DCAF8L2: variants seen among roughly 807,000 people sequenced by gnomAD.
DCAF8L2 encodes the protein DDB1 and CUL4 associated factor 8 like 2, also known as DDB1- and CUL4-associated factor 8-like protein 2.
For missense variants in DCAF8L2, 430 were observed against 490.7 expected (o/e 0.88, Z 1.17); for synonymous variants, 200 against 190.9 (o/e 1.05, Z -0.39).
intron 2 of DCAF8L2, among the ~76,000 whole-genome samples, chrX:27,663,615 T>A (rs1315534550): frequency 1.8e-5 from 2 of 110,997 alleles, no homozygotes; most frequent in Non-Finnish European, 3.8e-5. Flanking sequence ...TATCCACTGA[T>A]AGCTTTTCCC....
intron 3 of DCAF8L2, among the ~76,000 whole-genome samples, chrX:27,701,796 G>A (rs977780325): frequency 9.1e-6 from 1 of 110,103 alleles, no homozygotes; most frequent in African/African-American, 3.3e-5. Context: ...TCCACATTGA[G>A]AAACTAGAAA....
the DCAF8L2 span, among the ~76,000 whole-genome samples, chrX:27,555,079 G>A: frequency 9.0e-6 from 1 of 111,689 alleles, no homozygotes; most frequent in African/African-American, 3.3e-5. Context: ...GCATCTTAAC[G>A]CAGGGGTAAC....
intron 4 of DCAF8L2, among the ~76,000 whole-genome samples, chrX:27,728,322 G>T (rs1441885746): frequency 9.0e-6 from 1 of 110,921 alleles, no homozygotes; most frequent in Non-Finnish European, 1.9e-5. Flanking sequence ...ATGTCTTGTT[G>T]TTGTTGTTGT....
chrX:27,625,644 T>C (rs1290687733), intron 1 of DCAF8L2, among the ~76,000 whole-genome samples: 1 of 111,680 alleles, frequency 9.0e-6, no homozygotes, highest in East Asian at 2.8e-4. Flanking sequence ...ATAAAGAAAA[T>C]GTGGTACGTA....
At chrX:27,678,932 T>C (rs1930233860) in intron 3 of DCAF8L2, among the ~76,000 whole-genome samples, 1 of 111,773 alleles carries the variant, frequency 8.9e-6, no homozygotes. Flanking sequence ...TCATTGTGTT[T>C]ATGACAAGTG....
At chrX:27,535,319 C>T in the DCAF8L2 span, among the ~76,000 whole-genome samples, 1 of 111,900 alleles carries the variant, frequency 8.9e-6, no homozygotes, top group South Asian at 3.7e-4. Context: ...GTAACAGATT[C>T]AGTGTCAAAA....
chrX:27,505,116 A>G, the DCAF8L2 span, among the ~76,000 whole-genome samples: 126 of 111,826 alleles, frequency 1.1e-3, 1 homozygote, highest in South Asian at 0.041. Context: ...TTAAAATAAT[A>G]CTACTCATGA....
At chrX:27,717,527 T>A (rs1931743932) in intron 4 of DCAF8L2, among the ~76,000 whole-genome samples, 1 of 112,670 alleles carries the variant, frequency 8.9e-6, no homozygotes, top group African/African-American at 3.2e-5. Context: ...TGCATGAATG[T>A]CTTCTTTTGA....
chrX:27,696,813 C>G (rs1468400450), intron 3 of DCAF8L2, among the ~76,000 whole-genome samples: 1 of 111,065 alleles, frequency 9.0e-6, no homozygotes, highest in African/African-American at 3.3e-5. Context: ...TAAATAGACT[C>G]CATAGGGCAG....
intron 2 of DCAF8L2, 94 bp downstream of exon 2, chrX:27,632,094 TC>T (rs2035704855): frequency 9.0e-6 from 1 of 111,167 alleles, no homozygotes; most frequent in African/African-American, 3.3e-5. Flanking sequence ...AGTGCTCACT[TC>T]CCTCTTCTTC....
the DCAF8L2 span, among the ~76,000 whole-genome samples, chrX:27,566,896 A>G: frequency 9.1e-6 from 1 of 110,121 alleles, no homozygotes; most frequent in Non-Finnish European, 1.9e-5. Context: ...CTTTTGCTGA[A>G]TCCCATGGGT....
intron 4 of DCAF8L2, among the ~76,000 whole-genome samples, chrX:27,742,639 CTG>C (rs756558931): frequency 9.0e-6 from 1 of 110,735 alleles, no homozygotes; most frequent in Admixed American, 9.5e-5. Context: ...ACAACTCTGA[CTG>C]TGAACTGCTG....
At chrX:27,696,773 G>A (rs1468105594) in intron 3 of DCAF8L2, among the ~76,000 whole-genome samples, 4 of 110,664 alleles carry the variant, frequency 3.6e-5, no homozygotes. Context: ...CTGAAAGACT[G>A]TCAGTGGGTT....
chrX:27,513,496 A>G, the DCAF8L2 span, among the ~76,000 whole-genome samples: 13 of 111,170 alleles, frequency 1.2e-4, no homozygotes, highest in African/African-American at 4.2e-4. Flanking sequence ...CATGAAGTCA[A>G]CAGATCAAGA....
At chrX:27,645,361 A>T (rs897346764) in intron 2 of DCAF8L2, among the ~76,000 whole-genome samples, 1 of 111,667 alleles carries the variant, frequency 9.0e-6, no homozygotes, top group African/African-American at 3.3e-5. Context: ...CCTTCAATAA[A>T]ATCCAACATC....
At chrX:27,550,763 A>G in the DCAF8L2 span, among the ~76,000 whole-genome samples, 1 of 110,057 alleles carries the variant, frequency 9.1e-6, no homozygotes, top group African/African-American at 3.3e-5. Flanking sequence ...GATTCCATGT[A>G]TGAGTGAGAT....
the DCAF8L2 span, among the ~76,000 whole-genome samples, chrX:27,473,086 G>A: frequency 8.9e-6 from 1 of 111,784 alleles, no homozygotes; most frequent in Non-Finnish European, 1.9e-5. Context: ...TCATTGATAG[G>A]GTTATTCTTT....
At chrX:27,643,426 T>C (rs1178546979) in intron 2 of DCAF8L2, among the ~76,000 whole-genome samples, 1 of 111,944 alleles carries the variant, frequency 8.9e-6, no homozygotes, top group East Asian at 2.8e-4. Flanking sequence ...ATTCTTTTTT[T>C]GTACTCTTGT....
At chrX:27,658,249 A>G (rs1247574576) in intron 2 of DCAF8L2, among the ~76,000 whole-genome samples, 2 of 112,097 alleles carry the variant, frequency 1.8e-5, no homozygotes, top group African/African-American at 6.5e-5. Flanking sequence ...AAATTGTTAA[A>G]AGAGCATAAT....
Sources: gnomAD v4.1 joint callset for allele counts (sites outside exome capture counted in the v4.1 genomes callset) on GRCh38, gnomAD v4.1.1 for gene constraint, MANE v1.5 for transcripts, NCBI Gene and HGNC (gene_info 2026-07-23, HGNC 2026-07-21) for gene names.